EXOC3: variants seen among roughly 807,000 people sequenced by gnomAD.
The protein encoded by EXOC3 is SEC6-like 1.
EXOC3 carries 21 observed loss-of-function variants against 73.7 expected under a neutral mutation model. The observed-to-expected ratio is 0.29, with a 90% CI of 0.20 to 0.41. EXOC3 has a LOEUF of 0.41. EXOC3 is among the 10% of genes least tolerant of loss of function. EXOC3 has a pLI of 1.00. For missense variants in EXOC3, 842 were observed against 985.1 expected, an observed-to-expected ratio of 0.85 and a Z score of 1.95; for synonymous variants, 410 against 389.1, an observed-to-expected ratio of 1.05 and a Z score of -0.63.
intron 10 of EXOC3, 105 bp from the exon 11 acceptor site, chr5:465,006 C>CAGAGCCTCCGG (rs1263720063): frequency 5.6e-6 from 7 of 1,248,292 alleles, no homozygotes; most frequent in Admixed American, 5.5e-5. Flanking sequence ...GGAGTGGGCT[C>CAGAGCCTCCGG]AGAGCCTCCG....
rs1051676562 is a variant in EXOC3, at chr5:461,724, C to T, written c.1392-236C>T. ...TCAGGTGGTCTCCCTGCCTCAGCCT[C>T]CTAATGAGCCATATTTTAAAGCCTG... is the stretch of plus-strand genomic sequence containing the variant. On this transcript the variant is annotated intron_variant, in intron 7 of 12. Coordinates refer to ENST00000512944, the MANE Select transcript of EXOC3 (RefSeq NM_007277.5). 7.7e-6 allele frequency: 4 copies of T among 518,044 alleles called. No individual in the cohort carries two copies. The Admixed American group carries it at 1.4e-4, about 18-fold the overall frequency. The allele number at this position is 518,044 out of a possible 1,614,324, so 32.1% of individuals were successfully genotyped here. A position where few individuals can be genotyped will look rare whatever the true frequency, so the allele number is the denominator to read the frequency against.
intron 12 of EXOC3, 182 bp downstream of exon 12, chr5:466,027 C>A: frequency 1.7e-6 from 1 of 601,514 alleles, no homozygotes; most frequent in South Asian, 2.0e-5. Context: ...GTGCTGCCTT[C>A]CACCTGGCCT....
intron 4 of EXOC3, 89 bp from the exon 5 acceptor site, chr5:456,800 A>G (rs2721010): frequency 0.51 from 492,592 of 970,094 alleles, 128,487 homozygotes; most frequent in African/African-American, 0.76. Context: ...GTGGACATTC[A>G]TGTGTCAAGT....
At chr5:450,483 T>C (rs553778847) in intron 3 of EXOC3, among the ~76,000 whole-genome samples, 73 of 152,360 alleles carry the variant, frequency 4.8e-4, no homozygotes, top group African/African-American at 1.7e-3. Context: ...GACTGTCCCA[T>C]GTGCACGTGA....
chr5:460,081 C>T (rs981746117), intron 7 of EXOC3, among the ~76,000 whole-genome samples: 2 of 152,208 alleles, frequency 1.3e-5, no homozygotes, highest in Admixed American at 6.5e-5. Flanking sequence ...ATTTGCGACC[C>T]TCTCTGAAGC....
At chr5:456,739 G>A in intron 4 of EXOC3, 150 bp from the exon 5 acceptor site, 1 of 675,242 alleles carries the variant, frequency 1.5e-6, no homozygotes, top group Non-Finnish European at 2.7e-6. Context: ...CCCCTGCCCT[G>A]CACTTTCCCC....
intron 4 of EXOC3, among the ~76,000 whole-genome samples, chr5:456,662 C>T (rs958526739): frequency 1.3e-4 from 20 of 151,784 alleles, no homozygotes; most frequent in East Asian, 1.2e-3. Flanking sequence ...GCACTTTCCC[C>T]GGTTGGAGGG....
chr5:452,502 C>T (rs1737685717), intron 3 of EXOC3, among the ~76,000 whole-genome samples: 1 of 152,208 alleles, frequency 6.6e-6, no homozygotes, highest in Non-Finnish European at 1.5e-5. Flanking sequence ...TCTAGTAGAT[C>T]TGCCATCAGA....
At chr5:457,829 A>G in intron 5 of EXOC3, 71 bp from the exon 6 acceptor site, 1 of 1,498,622 alleles carries the variant, frequency 6.7e-7, no homozygotes, top group East Asian at 2.4e-5. Flanking sequence ...GCAACTGACC[A>G]GGTAATTGGC....
Position 465,271 on chromosome 5 carries a change from C to T in EXOC3, c.1937C>T (p.Ser646Phe), listed in dbSNP as rs1258186012. ...CGCTTCCTGTTCCGGAAGCTGGCGT[C>T]CGTGAGTGTCGCGCAGGTCCGGGCT... ...QLRFLFRKLA[S>F]GFGEDVDGYC... The change falls in exon 11 of 13, where the codon TCC (serine) becomes TTC (phenylalanine). Residue 646 changes from serine to phenylalanine, a missense_variant and splice_region_variant. Coordinates refer to ENST00000512944, the MANE Select transcript of EXOC3 (RefSeq NM_007277.5). 3.2e-6 allele frequency: 5 copies of T among 1,578,494 alleles called. No individual in the cohort carries two copies. Among genetic ancestry groups the T allele is most frequent in the Middle Eastern group, 1.8e-4 (1 of 5,532 alleles).
chr5:454,909 T>A (rs1476726084), intron 4 of EXOC3, among the ~76,000 whole-genome samples: 6 of 151,788 alleles, frequency 4.0e-5, no homozygotes, highest in Non-Finnish European at 2.9e-5. Context: ...CATATTTTTT[T>A]GTGTGCTTTG....
intron 11 of EXOC3, among the ~76,000 whole-genome samples, 180 bp from the exon 12 acceptor site, chr5:465,538 C>T (rs1738121171): frequency 6.6e-6 from 1 of 152,252 alleles, no homozygotes; most frequent in Non-Finnish European, 1.5e-5. Flanking sequence ...TGCTGGCTGC[C>T]TCCCACGGTC....
At chr5:454,143 T>C in intron 4 of EXOC3, 92 bp downstream of exon 4, 1 of 1,104,758 alleles carries the variant, frequency 9.1e-7, no homozygotes, top group Non-Finnish European at 1.3e-6. Context: ...GACCTCAGGG[T>C]GTTGCTCTGG....
chr5:447,914 T>C (rs1737552665), intron 3 of EXOC3, among the ~76,000 whole-genome samples, 162 bp downstream of exon 3: 1 of 152,136 alleles, frequency 6.6e-6, no homozygotes, highest in Admixed American at 6.5e-5. Flanking sequence ...TGGATGGAAG[T>C]GATCAGCTGA....
At chr5:446,126 C>T (rs1238551326) in intron 1 of EXOC3, 24 bp from the exon 2 acceptor site, 2 of 1,554,914 alleles carry the variant, frequency 1.3e-6, no homozygotes, top group Non-Finnish European at 1.8e-6. Flanking sequence ...CCTAACATTT[C>T]TACCGTCCTA....
chr5:464,585 T>C (rs1440283400), intron 10 of EXOC3, 173 bp downstream of exon 10: 1 of 624,754 alleles, frequency 1.6e-6, no homozygotes, highest in Non-Finnish European at 2.7e-6. Context: ...GACGGGGCTC[T>C]GGTGAGAATG....
At chr5:461,363 C>T (rs535587679) in intron 7 of EXOC3, among the ~76,000 whole-genome samples, 8 of 152,066 alleles carry the variant, frequency 5.3e-5, no homozygotes, top group Admixed American at 4.6e-4. Flanking sequence ...GCCTGTAATC[C>T]CAGCACTTTG....
chr5:446,483 A>G, intron 2 of EXOC3, 134 bp downstream of exon 2: 1 of 803,812 alleles, frequency 1.2e-6, no homozygotes, highest in Non-Finnish European at 1.9e-6. Flanking sequence ...TTGAGCAGTT[A>G]CTTTCAGCAG....
intron 3 of EXOC3, among the ~76,000 whole-genome samples, chr5:451,050 A>T (rs1737646521): frequency 6.6e-6 from 1 of 152,172 alleles, no homozygotes; most frequent in Admixed American, 6.5e-5. Flanking sequence ...GCTTACATTT[A>T]AGTGATTACT....
Sources: allele counts gnomAD v4.1 joint callset (sites outside exome capture counted in the v4.1 genomes callset), GRCh38; gene constraint gnomAD v4.1.1; transcripts MANE v1.5; gene names NCBI Gene and HGNC (gene_info 2026-07-23, HGNC 2026-07-21).